Variants in RASL12 observed in about 807,000 individuals in gnomAD.
RASL12 encodes the protein RAS like family 12.
Under a neutral mutation model 22.9 loss-of-function variants are expected in RASL12, and 16 were observed. The ratio of observed to expected loss-of-function variants is 0.70; its 90% CI spans 0.47 to 1.06. The LOEUF is 1.06. Among genes scored for constraint, RASL12 ranks in the 50% least tolerant of loss-of-function variants. The pLI, the probability that RASL12 is intolerant of heterozygous loss-of-function variation, is 0.00. For synonymous variants in RASL12, 159 were observed against 152.2 expected, an observed-to-expected ratio of 1.04 and a Z score of -0.33; for missense variants, 306 against 353.1, an observed-to-expected ratio of 0.87 and a Z score of 1.07.
downstream of RASL12, among the ~76,000 whole-genome samples, chr15:65,052,281 G>A (rs2086663225): frequency 6.6e-6 from 1 of 152,076 alleles, no homozygotes. Flanking sequence ...GTGGTGACAA[G>A]GACCTACGCT....
rs572627378 is a variant in RASL12, at chr15:65,054,936, G to A, written c.764C>T (p.Pro255Leu). The change falls in exon 5 of 5, where the codon CCT becomes CTT. Residue 255 changes from proline to leucine, a missense_variant. Transcript: ENST00000220062. ...SSRAQSKRKA[P>L]TLTLLKGFKI... ...GAAGCCCTTCAGGAGAGTCAGGGTA[G>A]GCGCCTTGCGCTTGCTCTGGGCCCG... 8.1e-6 allele frequency: 13 copies of A among 1,614,178 alleles called. No individual in the cohort carries two copies. In the South Asian group the frequency reaches 1.2e-4, roughly 15 times the overall value.
intron 1 of RASL12, among the ~76,000 whole-genome samples, chr15:65,075,722 C>A (rs1259181421): frequency 6.6e-6 from 1 of 151,792 alleles, no homozygotes; most frequent in Non-Finnish European, 1.5e-5. Context: ...CACTCTGTAT[C>A]TAGCTCAAGG....
chr15:65,047,704 C>G, the RASL12 span, among the ~76,000 whole-genome samples: 1 of 152,136 alleles, frequency 6.6e-6, no homozygotes, highest in Non-Finnish European at 1.5e-5. Flanking sequence ...AACACAAGAT[C>G]ACATCTGTTG....
At chr15:65,064,502 A>C (rs941898110) in intron 2 of RASL12, among the ~76,000 whole-genome samples, 1 of 152,232 alleles carries the variant, frequency 6.6e-6, no homozygotes, top group African/African-American at 2.4e-5. Flanking sequence ...CTGGTTCAGA[A>C]GCCAGCACCA....
rs544317610 is a variant in RASL12 at position 65,064,782 on chromosome 15, C to T, written c.160+435G>A. On this transcript the variant is annotated intron_variant, in intron 2 of 4. Coordinates refer to ENST00000220062, the MANE Select transcript of RASL12 (RefSeq NM_016563.4). ...CAGCTAATTTTTGTATTTTTAGAGA[C>T]GGAGTTTCACCATGTTGGCCAGGCT... is the stretch of plus-strand genomic sequence containing the variant. Among the ~76,000 whole-genome samples, 141 of 152,080 alleles carry T rather than the reference C, an allele frequency of 9.3e-4. 1 individual carries two copies. The highest frequency in any genetic ancestry group is 3.0e-3 in the African/African-American group (125 of 41,494).
intron 2 of RASL12, among the ~76,000 whole-genome samples, chr15:65,063,876 A>G (rs913473390): frequency 6.6e-5 from 10 of 152,176 alleles, no homozygotes; most frequent in African/African-American, 2.4e-4. Flanking sequence ...GTGCGGCAGG[A>G]GCGCTGGATC....
intron 2 of RASL12, among the ~76,000 whole-genome samples, chr15:65,061,264 G>C (rs1332769137): frequency 6.6e-6 from 1 of 152,248 alleles, no homozygotes; most frequent in Non-Finnish European, 1.5e-5. Flanking sequence ...CTTGAACTCA[G>C]GGCTTCCAGG....
At chr15:65,050,766 G>C (rs781511862), downstream of RASL12, among the ~76,000 whole-genome samples, 2 of 151,026 alleles carry the variant, frequency 1.3e-5, no homozygotes, top group African/African-American at 2.4e-5. Flanking sequence ...TTATCTGTGG[G>C]CAGTTGCCAT....
At chr15:65,075,452 G>A (rs1222644350) in intron 1 of RASL12, among the ~76,000 whole-genome samples, 1 of 152,248 alleles carries the variant, frequency 6.6e-6, no homozygotes. Flanking sequence ...CTGCAGCCCT[G>A]GTGCAGGATC....
At chr15:65,045,862 G>A in the RASL12 span, among the ~76,000 whole-genome samples, 1 of 152,236 alleles carries the variant, frequency 6.6e-6, no homozygotes, top group Non-Finnish European at 1.5e-5. Flanking sequence ...CTGGATACGT[G>A]CTTTGATAGA....
At position 65,065,966 on chromosome 15, in the gene RASL12, C is replaced by T. The variant is rs1054603453; in HGVS notation, c.104-693G>A. 2.0e-5 allele frequency among the ~76,000 whole-genome samples: 3 copies of T among 151,722 alleles called. No homozygotes were observed. In the East Asian group the frequency reaches 5.8e-4, roughly 29 times the overall value. On this transcript the variant is annotated intron_variant, in intron 1 of 4. Transcript: ENST00000220062. ...AAGCAAAGACCAGCCAACTACTATACTGGACCCTCAAAAAGTAATGTTCGC... is the reference window on the plus strand; with the variant it reads ...AAGCAAAGACCAGCCAACTACTATATTGGACCCTCAAAAAGTAATGTTCGC...
intron 2 of RASL12, among the ~76,000 whole-genome samples, chr15:65,060,035 A>T (rs1249885385): frequency 6.6e-6 from 1 of 152,216 alleles, no homozygotes; most frequent in African/African-American, 2.4e-5. Context: ...GACTTGGCCA[A>T]ATCACTTCAG....
At position 65,054,685 on chromosome 15, in the gene RASL12, G is replaced by C; in HGVS notation, c.*214C>G. On this transcript the variant is annotated 3_prime_UTR_variant, in exon 5 of 5. Coordinates refer to ENST00000220062, the MANE Select transcript of RASL12 (RefSeq NM_016563.4). ...GTTTCCCTCTACGGCCACAGACGCG[G>C]TGGTTACCATGAAGACCAAGGCCTG... 2 of 1,395,346 alleles carry C rather than the reference G, an allele frequency of 1.4e-6. No individual in the cohort carries two copies. The highest frequency in any genetic ancestry group is 1.9e-6 in the Non-Finnish European group (2 of 1,076,858). The allele number at this position is 1,395,346 out of a possible 1,614,324, so 86.4% of individuals were successfully genotyped here. A position where few individuals can be genotyped will look rare whatever the true frequency, so the allele number is the denominator to read the frequency against.
downstream of RASL12, chr15:65,049,417 C>T (rs113301016): frequency 7.2e-3 from 1,090 of 152,238 alleles, 4 homozygotes; most frequent in Non-Finnish European, 0.012. Flanking sequence ...CCTTTCCCTC[C>T]GGCACTTTTC....
intron 1 of RASL12, among the ~76,000 whole-genome samples, chr15:65,075,328 C>T (rs1442104021): frequency 2.0e-5 from 3 of 152,186 alleles, no homozygotes; most frequent in Admixed American, 6.5e-5. Context: ...GGCTCCTGTG[C>T]GGCCCGAGCC....
At chr15:65,057,227 T>A (rs1001169083) in intron 4 of RASL12, among the ~76,000 whole-genome samples, 1 of 152,118 alleles carries the variant, frequency 6.6e-6, no homozygotes, top group African/African-American at 2.4e-5. Context: ...CTAACACCAG[T>A]CAATGTGCCC....
the RASL12 span, among the ~76,000 whole-genome samples, chr15:65,048,089 G>A: frequency 5.9e-5 from 9 of 151,920 alleles, no homozygotes; most frequent in African/African-American, 9.7e-5. Context: ...AGGCACAAAC[G>A]AGAACCGCTT....
At chr15:65,069,672 G>A (rs998276698), upstream of RASL12, among the ~76,000 whole-genome samples, 3 of 152,160 alleles carry the variant, frequency 2.0e-5, no homozygotes, top group African/African-American at 4.8e-5. Context: ...GTAACCATCT[G>A]ACTGTCCATA....
downstream of RASL12, among the ~76,000 whole-genome samples, chr15:65,048,907 G>T (rs920712793): frequency 2.0e-5 from 3 of 151,810 alleles, no homozygotes; most frequent in African/African-American, 4.8e-5. Flanking sequence ...CTACTTAGGA[G>T]GCTGAGACAG....
Sources: gnomAD v4.1 joint callset for allele counts (sites outside exome capture counted in the v4.1 genomes callset) on GRCh38, gnomAD v4.1.1 for gene constraint, MANE v1.5 for transcripts, NCBI Gene and HGNC (gene_info 2026-07-23, HGNC 2026-07-21) for gene names.